LIPA: variants seen among roughly 807,000 people sequenced by gnomAD.
LIPA encodes lipase A, lysosomal acid type.
Under a neutral mutation model 40.6 loss-of-function variants are expected in LIPA, and 26 were observed. That is an observed-to-expected ratio of 0.64 (90% confidence interval 0.47 to 0.89). LIPA has a LOEUF of 0.89. LIPA is among the 40% of genes least tolerant of loss of function. The pLI, the probability that LIPA is intolerant of heterozygous loss-of-function variation, is 0.00. For synonymous variants in LIPA, 188 were observed against 168.4 expected, an observed-to-expected ratio of 1.12 and a Z score of -0.90; for missense variants, 455 against 479.6, an observed-to-expected ratio of 0.95 and a Z score of 0.48.
At chr10:89,259,573 G>T (rs775449964) in intron 1 of LIPA, among the ~76,000 whole-genome samples, 29 of 152,166 alleles carry the variant, frequency 1.9e-4, no homozygotes, top group Admixed American at 6.5e-4. Context: ...AAATGAAAGT[G>T]TTTGTCCACA....
intron 1 of LIPA, among the ~76,000 whole-genome samples, chr10:89,311,034 T>C (rs1027521190): frequency 6.6e-6 from 1 of 152,216 alleles, no homozygotes; most frequent in South Asian, 2.1e-4. Context: ...TATAATCTAA[T>C]TAAAATATTT....
chr10:89,255,427 A>G (rs1308375608), upstream of LIPA, among the ~76,000 whole-genome samples: 1 of 152,192 alleles, frequency 6.6e-6, no homozygotes, highest in African/African-American at 2.4e-5. Flanking sequence ...TGATTTAATT[A>G]TCTCCCACTG....
At chr10:89,281,864 C>G (rs1843317983) in intron 1 of LIPA, among the ~76,000 whole-genome samples, 1 of 152,216 alleles carries the variant, frequency 6.6e-6, no homozygotes, top group Non-Finnish European at 1.5e-5. Flanking sequence ...GGGCCAGCTA[C>G]TGAGAACTAT....
chr10:89,217,997 C>T (rs1421177787), intron 8 of LIPA, among the ~76,000 whole-genome samples: 1 of 151,234 alleles, frequency 6.6e-6, no homozygotes, highest in Non-Finnish European at 1.5e-5. Context: ...CAGATAATCT[C>T]ATAAATAATA....
At chr10:89,347,321 C>T (rs923754234), upstream of LIPA, among the ~76,000 whole-genome samples, 1 of 152,192 alleles carries the variant, frequency 6.6e-6, no homozygotes, top group Non-Finnish European at 1.5e-5. Flanking sequence ...CATGTATGCA[C>T]CCTCTGCCTA....
At chr10:89,229,319 G>C (rs952805139) in intron 3 of LIPA, among the ~76,000 whole-genome samples, 1 of 152,214 alleles carries the variant, frequency 6.6e-6, no homozygotes, top group Non-Finnish European at 1.5e-5. Context: ...GGTTGCCAGG[G>C]GTTAGGAGGG....
At chr10:89,392,953 A>G (rs1356701190) in intron 2 of LIPA, among the ~76,000 whole-genome samples, 5 of 152,308 alleles carry the variant, frequency 3.3e-5, no homozygotes, top group African/African-American at 7.2e-5. Context: ...ACCTCATGCT[A>G]TAGCCCAAAG....
intron 1 of LIPA, among the ~76,000 whole-genome samples, chr10:89,281,685 G>A (rs981247436): frequency 1.3e-5 from 2 of 152,322 alleles, no homozygotes; most frequent in South Asian, 2.1e-4. Flanking sequence ...TGCACTTTTT[G>A]TCTGACTTTC....
At chr10:89,374,665 T>G (rs304507) in intron 2 of LIPA, among the ~76,000 whole-genome samples, 146,763 of 152,336 alleles carry the variant, frequency 0.96, 70,731 homozygotes, top group East Asian at 1. Context: ...TTAGAGTTGA[T>G]TCAGGGCTAG....
At position 89,392,811 on chromosome 10, in the gene LIPA, C is replaced by T. The variant is rs2133612336; in HGVS notation, c.61+19980G>A. 5 of 1,331,744 alleles carry T rather than the reference C, an allele frequency of 3.8e-6. No homozygotes were observed. In the East Asian group the frequency reaches 1.2e-4, roughly 31 times the overall value. 82.5% of individuals were successfully genotyped at this position (1,331,744 alleles called of 1,614,324 possible). A position where few individuals can be genotyped will look rare whatever the true frequency, so the allele number is the denominator to read the frequency against. On this transcript the variant is annotated intron_variant, in intron 2 of 8. Coordinates refer to the LIPA transcript ENST00000371837. ...TCAACAGGTTAGATCTCAGTGAGGT[C>T]AGGTTTTCTAATTCCTCGATTTGAG...
At chr10:89,242,623 G>T (rs1842976866) in intron 3 of LIPA, among the ~76,000 whole-genome samples, 1 of 152,210 alleles carries the variant, frequency 6.6e-6, no homozygotes, top group Non-Finnish European at 1.5e-5. Context: ...AGGACTGAAA[G>T]ATGCTCACCA....
chr10:89,408,929 G>T (rs910166135), intron 2 of LIPA, among the ~76,000 whole-genome samples: 1 of 152,174 alleles, frequency 6.6e-6, no homozygotes, highest in African/African-American at 2.4e-5. Flanking sequence ...CTCAGATCAT[G>T]GGGACTGGAG....
intron 2 of LIPA, among the ~76,000 whole-genome samples, chr10:89,386,052 A>AG (rs1370275378): frequency 6.6e-6 from 1 of 152,186 alleles, no homozygotes; most frequent in Non-Finnish European, 1.5e-5. Flanking sequence ...TATTAGAGGC[A>AG]GGGTCTTGTG....
At chr10:89,389,575 T>C (rs549982259) in intron 2 of LIPA, among the ~76,000 whole-genome samples, 7 of 152,206 alleles carry the variant, frequency 4.6e-5, no homozygotes, top group African/African-American at 7.2e-5. Flanking sequence ...CTACAAGAGA[T>C]GACCCTGGAA....
intron 1 of LIPA, among the ~76,000 whole-genome samples, chr10:89,328,757 TCTC>T (rs1272544560): frequency 3.7e-4 from 56 of 152,206 alleles, no homozygotes; most frequent in Non-Finnish European, 1.0e-4. Flanking sequence ...AAAAAGAATT[TCTC>T]CTCAAAAGTG....
chr10:89,351,011 G>C (rs1843955579), intron 2 of LIPA, among the ~76,000 whole-genome samples: 1 of 152,136 alleles, frequency 6.6e-6, no homozygotes, highest in African/African-American at 2.4e-5. Flanking sequence ...ACCTAAGACG[G>C]GAAGAGGAAA....
Position 89,228,295 on chromosome 10 carries a change from A to C in LIPA, c.333T>G (p.Ala111=). The change falls in exon 4 of 10, where the codon GCT becomes GCG. Residue 111 remains alanine, a synonymous_variant. Transcript: ENST00000336233. The stretch of plus-strand genomic sequence containing the variant: ...TGTTGCCCATCCACACGTCAAAACC[A>C]GCATCAGCAAGAATGAAGCCCAGGC... The part of the protein sequence containing the change: ...NSSLGFILAD[A]GFDVWMGNSR... 1 of 1,614,240 alleles carries C rather than the reference A, an allele frequency of 6.2e-7. No individual in the cohort carries two copies. Among genetic ancestry groups the C allele is most frequent in the Non-Finnish European group, 8.5e-7 (1 of 1,180,028 alleles).
chr10:89,307,170 C>T (rs1161127140), intron 1 of LIPA: 10 of 1,613,864 alleles, frequency 6.2e-6, no homozygotes, highest in Non-Finnish European at 8.5e-6. Flanking sequence ...AACCAGAAAT[C>T]AAGGGAGAAA....
intron 1 of LIPA, among the ~76,000 whole-genome samples, chr10:89,317,461 G>GT (rs1162354385): frequency 6.6e-6 from 1 of 152,182 alleles, no homozygotes; most frequent in Non-Finnish European, 1.5e-5. Flanking sequence ...GGAAGAAAGG[G>GT]TATTAGTGAT....
Sources: allele counts gnomAD v4.1 joint callset (sites outside exome capture counted in the v4.1 genomes callset), GRCh38; gene constraint gnomAD v4.1.1; transcripts MANE v1.5; gene names NCBI Gene and HGNC (gene_info 2026-07-23, HGNC 2026-07-21).